Variants in P2RX7 observed in about 807,000 individuals in gnomAD.
P2RX7 encodes purinergic receptor P2X 7.
In P2RX7, 62 loss-of-function variants were observed where a neutral mutation model predicts 71.6. The ratio of observed to expected loss-of-function variants is 0.87; its 90% CI spans 0.71 to 1.07. The LOEUF is 1.07. Ranked by LOEUF, P2RX7 falls within the 50% of genes least tolerant of loss-of-function variation. The pLI is 0.00. For synonymous variants in P2RX7, 299 were observed against 283.3 expected (o/e 1.06, Z -0.56); for missense variants, 686 against 748.5 (o/e 0.92, Z 0.97).
chr12:121,154,617 C>T lies in P2RX7; in HGVS notation c.126-168C>T, dbSNP rs1160155231. Among the ~76,000 whole-genome samples the T allele has an allele frequency of 6.6e-6, 1 of 152,182 alleles. No homozygotes were observed. The highest frequency in any genetic ancestry group is 2.4e-5 in the African/African-American group (1 of 41,438). On this transcript the variant is annotated intron_variant, in intron 1 of 12. Transcript: ENST00000328963. The surrounding 1 kb of genome is among the most constrained non-coding windows in gnomAD (Gnocchi z 4.2). ...CATTTCATCCTCACAATCCATGAGG[C>T]AGGTATGACTATTCTTCCCATTATC...
intron 1 of P2RX7, chr12:121,148,878 C>G: frequency 3.0e-6 from 1 of 331,228 alleles, no homozygotes; most frequent in Non-Finnish European, 5.9e-6. Context: ...AGGCACAGTC[C>G]TGGCGCTACT....
In P2RX7 at chr12:121,156,486, T is replaced by G. The variant is rs139689988; in HGVS notation, c.363+339T>G. On this transcript the variant is annotated intron_variant, in intron 3 of 12. Transcript: ENST00000328963. Reference sequence around the variant, plus strand: ...GGCATTTGCACAACATTTCACATTTTACTTGAGGCTCACAATGACTTTAGG... The same window carrying G: ...GGCATTTGCACAACATTTCACATTTGACTTGAGGCTCACAATGACTTTAGG... Among the ~76,000 whole-genome samples the G allele has an allele frequency of 2.3e-3, 352 of 152,358 alleles. 2 individuals are homozygous for G. The highest frequency in any genetic ancestry group is 7.9e-3 in the African/African-American group (328 of 41,582).
chr12:121,160,110 T>C (rs1231327907), intron 3 of P2RX7, among the ~76,000 whole-genome samples: 1 of 151,892 alleles, frequency 6.6e-6, no homozygotes, highest in Non-Finnish European at 1.5e-5. Context: ...TCTTTTTTTT[T>C]CCTTTCTTTC....
intron 7 of P2RX7, among the ~76,000 whole-genome samples, chr12:121,166,589 T>C (rs1376218228): frequency 6.6e-6 from 1 of 152,220 alleles, no homozygotes; most frequent in Admixed American, 6.5e-5. Context: ...CTTGCATTTC[T>C]TCAAAGCCAG....
At chr12:121,170,456 A>G (rs1331017394) in intron 8 of P2RX7, among the ~76,000 whole-genome samples, 1 of 152,166 alleles carries the variant, frequency 6.6e-6, no homozygotes, top group Non-Finnish European at 1.5e-5. Flanking sequence ...TGGAATGAGC[A>G]CCAGAAGAAA....
At chr12:121,173,854 A>C (rs1336982484) in intron 8 of P2RX7, among the ~76,000 whole-genome samples, 1 of 152,112 alleles carries the variant, frequency 6.6e-6, no homozygotes, top group Non-Finnish European at 1.5e-5. Context: ...ACACCCTCAC[A>C]AAAGCTGGAT....
At chr12:121,168,510 C>G (rs1006470196) in intron 8 of P2RX7, among the ~76,000 whole-genome samples, 1 of 152,130 alleles carries the variant, frequency 6.6e-6, no homozygotes, top group Non-Finnish European at 1.5e-5. Context: ...CTCAAGTGAT[C>G]TTCCCGCCTT....
chr12:121,141,133 C>T (rs941860221), intron 1 of P2RX7, among the ~76,000 whole-genome samples: 4 of 152,182 alleles, frequency 2.6e-5, no homozygotes, highest in Non-Finnish European at 5.9e-5. Context: ...GCAATTAAAA[C>T]ACCTGCCTAC....
At chr12:121,162,333 G>A (rs1002820190) in intron 4 of P2RX7, 91 bp from the exon 5 acceptor site, 30 of 1,534,436 alleles carry the variant, frequency 2.0e-5, no homozygotes, top group African/African-American at 2.7e-5. Context: ...CTAGTCTCTC[G>A]CCCGGGTTGA....
At chr12:121,136,214 A>T (rs1194144946) in intron 1 of P2RX7, among the ~76,000 whole-genome samples, 2 of 150,970 alleles carry the variant, frequency 1.3e-5, no homozygotes, top group Non-Finnish European at 2.9e-5. Context: ...GGTAAAGAGC[A>T]TAATTAGTAA....
At chr12:121,162,126 G>C (rs915332456) in intron 4 of P2RX7, 9 of 595,654 alleles carry the variant, frequency 1.5e-5, no homozygotes, top group Non-Finnish European at 2.1e-5. Context: ...TACTAAGTGA[G>C]AGCATACACC....
Position 121,133,096 on chromosome 12 carries a change from G to T in P2RX7, c.125+1G>T, listed in dbSNP as rs35933842. On this transcript the variant is annotated splice_donor_variant, in intron 1 of 12. Coordinates refer to ENST00000328963, the MANE Select transcript of P2RX7 (RefSeq NM_002562.6). LOFTEE classifies it high-confidence loss of function. ...ACGTGATCATCTTTTCCTACGTTTGGTAAGTGGGATCTGGGGAGGACCCAG... is the reference window on the plus strand; with the variant it reads ...ACGTGATCATCTTTTCCTACGTTTGTTAAGTGGGATCTGGGGAGGACCCAG... 7.3e-3 allele frequency: 11,723 copies of T among 1,614,138 alleles called. 61 individuals carry two copies. The highest frequency in any genetic ancestry group is 0.01 in the Middle Eastern group (61 of 6,062).
At position 121,154,996 on chromosome 12, in the gene P2RX7, C is replaced by T. The variant is rs776936807; in HGVS notation, c.294+43C>T. Reference sequence around the variant, plus strand: ...TTCTCCCAGGCTCGTCGCTGGTCACCGTCGCCAGGGCCTAGCTCCCTTCCC... The same window carrying T: ...TTCTCCCAGGCTCGTCGCTGGTCACTGTCGCCAGGGCCTAGCTCCCTTCCC... On this transcript the variant is annotated intron_variant, in intron 2 of 12. Transcript: ENST00000328963. The surrounding 1 kb of genome is among the most constrained non-coding windows in gnomAD (Gnocchi z 4.2). 24 of 1,608,284 alleles carry T rather than the reference C, an allele frequency of 1.5e-5. No homozygotes were observed. Among genetic ancestry groups the T allele is most frequent in the South Asian group, 2.2e-5 (2 of 90,168 alleles).
intron 1 of P2RX7, among the ~76,000 whole-genome samples, chr12:121,148,045 T>C (rs1056046337): frequency 2.0e-5 from 3 of 152,148 alleles, no homozygotes; most frequent in African/African-American, 7.2e-5. Flanking sequence ...TAACATATTA[T>C]TGAACAAAAA....
rs200840067 is a variant in P2RX7, at chr12:121,184,758, C to T, written c.1744C>T (p.Pro582Ser). 1.9e-4 allele frequency: 292 copies of T among 1,553,626 alleles called. 1 individual carries two copies. In the East Asian group the frequency reaches 6.6e-3, roughly 35 times the overall value. Residue 582 changes from proline (P) to serine (S), a missense_variant, in exon 13 of 13, where the codon CCG becomes TCG. By Grantham distance (74) the Pro-to-Ser change is moderately conservative. Transcript: ENST00000328963. ...CCRWRIRKEF[P>S]KSEGQYSGFK... The stretch of plus-strand genomic sequence containing the variant: ...CCGCTGGAGGATCCGGAAAGAGTTT[C>T]CGAAGAGTGAAGGGCAGTACAGTGG...
intron 1 of P2RX7, among the ~76,000 whole-genome samples, 176 bp downstream of exon 1, chr12:121,133,271 C>G (rs1450480061): frequency 6.6e-6 from 1 of 152,200 alleles, no homozygotes; most frequent in Non-Finnish European, 1.5e-5. Context: ...GAAACGGTGC[C>G]AGGCTGCAGC....
chr12:121,157,525 C>G (rs1275262301), intron 3 of P2RX7, among the ~76,000 whole-genome samples: 2 of 152,206 alleles, frequency 1.3e-5, no homozygotes, highest in African/African-American at 4.8e-5. Context: ...TCCCTTCTGT[C>G]TCCCTTCCCA....
Position 121,149,381 on chromosome 12 carries a change from A to C in P2RX7, c.126-5404A>C, listed in dbSNP as rs1876918453. Among the ~76,000 whole-genome samples the C allele has an allele frequency of 6.6e-6, 1 of 152,234 alleles. No individual in the cohort carries two copies. Among genetic ancestry groups the C allele is most frequent in the Non-Finnish European group, 1.5e-5 (1 of 68,036 alleles). The stretch of plus-strand genomic sequence containing the variant: ...ATACCCAAGACCAGGTAATTTATAA[A>C]GGAAAGAGGTTTAATGGGCCCACAG... On this transcript the variant is annotated intron_variant, in intron 1 of 12. Transcript: ENST00000328963. This position sits in a 1 kb window ranked among gnomAD's most constrained non-coding sequence, Gnocchi z 4.7.
Position 121,133,057 on chromosome 12 carries a change from T to A in P2RX7, c.87T>A (p.Ile29=). 1 of 1,614,126 alleles carries A rather than the reference T, an allele frequency of 6.2e-7. No homozygotes were observed. Among genetic ancestry groups the A allele is most frequent in the Non-Finnish European group, 8.5e-7 (1 of 1,180,002 alleles). Residue 29 remains isoleucine (I), a synonymous_variant, in exon 1 of 13, where the codon ATT becomes ATA. Transcript: ENST00000328963. ...TCCAGAGCATGAATTATGGCACCAT[T>A]AAGTGGTTCTTCCACGTGATCATCT... ...TRIQSMNYGT[I]KWFFHVIIFS...
Sources: gnomAD v4.1 joint callset for allele counts (sites outside exome capture counted in the v4.1 genomes callset) on GRCh38, gnomAD v4.1.1 for gene constraint, Gnocchi (gnomAD v3.1) non-coding constraint, MANE v1.5 for transcripts, NCBI Gene and HGNC (gene_info 2026-07-23, HGNC 2026-07-21) for gene names.